Variants in MARK2 observed in about 807,000 individuals in gnomAD.
The protein encoded by MARK2 is serine/threonine-protein kinase MARK2.
In MARK2, 16 loss-of-function variants were observed where a neutral mutation model predicts 89.8. The ratio of observed to expected loss-of-function variants is 0.18; its 90% CI spans 0.12 to 0.27. The LOEUF (loss-of-function observed/expected upper bound fraction) is 0.27. MARK2 is among the 10% of genes least tolerant of loss of function. MARK2 has a pLI of 1.00. For synonymous variants in MARK2, 382 were observed against 399.5 expected (o/e 0.96, Z 0.52); for missense variants, 621 against 1,049.9 (o/e 0.59, Z 5.65).
At chr11:63,887,034 A>C (rs997599785) in intron 1 of MARK2, among the ~76,000 whole-genome samples, 1 of 152,222 alleles carries the variant, frequency 6.6e-6, no homozygotes, top group Non-Finnish European at 1.5e-5. Context: ...GGGAAAAGGA[A>C]GGGTTGCTGT....
At chr11:63,893,721 T>C (rs1379342332) in intron 1 of MARK2, among the ~76,000 whole-genome samples, 3 of 152,192 alleles carry the variant, frequency 2.0e-5, no homozygotes, top group Non-Finnish European at 2.9e-5. Flanking sequence ...ATCTAAACTT[T>C]TTGAGTGCCA....
At chr11:63,857,577 G>T (rs2016928837) in intron 1 of MARK2, among the ~76,000 whole-genome samples, 1 of 152,166 alleles carries the variant, frequency 6.6e-6, no homozygotes, top group South Asian at 2.1e-4. Context: ...TGGAAAATAA[G>T]TTTTTTATTA....
intron 1 of MARK2, among the ~76,000 whole-genome samples, chr11:63,881,906 T>C (rs765807026): frequency 7.9e-5 from 12 of 152,028 alleles, no homozygotes; most frequent in Non-Finnish European, 1.6e-4. Flanking sequence ...CAGTGAGCTG[T>C]GATTGTGCCA....
At chr11:63,870,931 CTAGGAAGGGAAGAGAGT>C (rs1938408881) in intron 1 of MARK2, among the ~76,000 whole-genome samples, 1 of 152,078 alleles carries the variant, frequency 6.6e-6, no homozygotes. Flanking sequence ...GAGTGAGACT[CTAGGAAGGGAAGAGAGT>C]TAGTCTGGAG....
intron 1 of MARK2, chr11:63,882,527 T>C (rs1252676203): frequency 6.6e-6 from 1 of 151,992 alleles, no homozygotes; most frequent in Non-Finnish European, 1.5e-5. Flanking sequence ...GAGGTTGCAG[T>C]GAGCCGAGAT....
rs767030713 is a variant in MARK2 at position 63,904,047 on chromosome 11, C to T, written c.1576C>T (p.Arg526Trp). 10 of 1,607,118 alleles carry T rather than the reference C, an allele frequency of 6.2e-6. No individual in the cohort carries two copies. Among genetic ancestry groups the T allele is most frequent in the South Asian group, 3.3e-5 (3 of 90,984 alleles). The change falls in exon 15 of 19, where the codon CGG becomes TGG. Residue 526 changes from arginine to tryptophan, a missense_variant. Arg to Trp is a moderately radical substitution (Grantham distance 101). Transcript: ENST00000402010. This position sits in a 1 kb window ranked among gnomAD's most constrained non-coding sequence, Gnocchi z 6.3. ...TGCTTCTGCCGCAGTCTCTGCGGCC[C>T]GGCCCCGCCAGCACCAGAAATCCAT... ...ASASAAVSAARPRQHQKSMSA... is the reference protein window; with the variant it reads ...ASASAAVSAAWPRQHQKSMSA...
Position 63,854,587 on chromosome 11 carries a change from C to T in MARK2, c.54+15027C>T, listed in dbSNP as rs370694301. Among the ~76,000 whole-genome samples, 4 of 151,898 alleles carry T rather than the reference C, an allele frequency of 2.6e-5. No individual in the cohort carries two copies. The South Asian group carries it at 6.2e-4, about 24-fold the overall frequency. ...TAGTGACTCACGCCTGTAATCCCAA[C>T]ACTTTCGGAGGCCAAGGCGAGTGGA... On this transcript the variant is annotated intron_variant, in intron 1 of 18. Transcript: ENST00000402010.
At chr11:63,888,901 AG>A (rs1590639483) in intron 1 of MARK2, 1 of 1,347,786 alleles carries the variant, frequency 7.4e-7, no homozygotes, top group Non-Finnish European at 9.8e-7. Flanking sequence ...GCTGCCTGAC[AG>A]GTTCTGCTGT....
intron 1 of MARK2, among the ~76,000 whole-genome samples, chr11:63,877,108 T>A (rs1938808421): frequency 7.4e-6 from 1 of 134,736 alleles, no homozygotes; most frequent in Non-Finnish European, 1.6e-5. Context: ...CTCTTTTTTT[T>A]TTTTTTTTTT....
At chr11:63,894,213 A>G (rs1370586057) in intron 1 of MARK2, among the ~76,000 whole-genome samples, 1 of 152,270 alleles carries the variant, frequency 6.6e-6, no homozygotes, top group Non-Finnish European at 1.5e-5. Flanking sequence ...TAAAGAATAT[A>G]TGCCTGCTTT....
At chr11:63,883,259 A>G (rs550834045) in intron 1 of MARK2, among the ~76,000 whole-genome samples, 9 of 152,302 alleles carry the variant, frequency 5.9e-5, no homozygotes, top group South Asian at 2.1e-4. Flanking sequence ...GGGCGAAGGC[A>G]TGGGCACCAT....
chr11:63,859,429 T>C (rs2135234312), intron 1 of MARK2, among the ~76,000 whole-genome samples: 1 of 151,532 alleles, frequency 6.6e-6, no homozygotes, highest in Admixed American at 6.6e-5. Flanking sequence ...CAAGCAATTC[T>C]CCTGCCTCAG....
chr11:63,882,941 A>G (rs921206780), intron 1 of MARK2, among the ~76,000 whole-genome samples: 7 of 152,294 alleles, frequency 4.6e-5, no homozygotes, highest in Admixed American at 2.0e-4. Flanking sequence ...CCAGACCTCT[A>G]TGCTGCAGGC....
At chr11:63,876,080 A>G (rs970851185) in intron 1 of MARK2, among the ~76,000 whole-genome samples, 1 of 152,108 alleles carries the variant, frequency 6.6e-6, no homozygotes, top group African/African-American at 2.4e-5. Context: ...TCATCAGGGG[A>G]GAGTAGAGTG....
intron 1 of MARK2, among the ~76,000 whole-genome samples, chr11:63,841,415 G>A (rs761981913): frequency 5.9e-5 from 9 of 152,140 alleles, no homozygotes; most frequent in Non-Finnish European, 1.3e-4. Context: ...TCATCACTGG[G>A]TTTGGCAGCT....
Position 63,879,810 on chromosome 11 carries a change from C to T in MARK2, c.55-15349C>T, listed in dbSNP as rs561764092. 5.5e-4 allele frequency among the ~76,000 whole-genome samples: 84 copies of T among 152,262 alleles called. No homozygotes were observed. In the Middle Eastern group the frequency reaches 0.02, roughly 37 times the overall value. On this transcript the variant is annotated intron_variant, in intron 1 of 18. Transcript: ENST00000402010. ...CCTCTGGCCATGGTGACTTCTGGAG[C>T]AACAAACTTTGTCCCAGTATTTTTT... is the stretch of plus-strand genomic sequence containing the variant.
rs1227683539 is a variant in MARK2 at position 63,910,696 on chromosome 11, A to C, written c.*1459A>C. 2 of 137,186 alleles carry C rather than the reference A, an allele frequency of 1.5e-5. No homozygotes were observed. Among genetic ancestry groups the C allele is most frequent in the African/African-American group, 2.8e-5 (1 of 36,250 alleles). 8.5% of individuals were successfully genotyped at this position (137,186 alleles called of 1,614,324 possible). A position where few individuals can be genotyped will look rare whatever the true frequency, so the allele number is the denominator to read the frequency against. Reference sequence around the variant, plus strand: ...TATGATGACTCCACCCCTCTTCATCACCCCCGCTCCCAGGCCAGGCTCAGC... The same window carrying C: ...TATGATGACTCCACCCCTCTTCATCCCCCCCGCTCCCAGGCCAGGCTCAGC... On this transcript the variant is annotated 3_prime_UTR_variant, in exon 19 of 19. Coordinates refer to ENST00000402010, the MANE Select transcript of MARK2 (RefSeq NM_001039469.3).
intron 1 of MARK2, among the ~76,000 whole-genome samples, chr11:63,856,123 C>T (rs927672288): frequency 6.6e-6 from 1 of 152,132 alleles, no homozygotes; most frequent in African/African-American, 2.4e-5. Context: ...GCTTTGACTT[C>T]ATAAGGAGCT....
At chr11:63,897,727 G>GTC (rs1940532312) in intron 3 of MARK2, among the ~76,000 whole-genome samples, 2 of 152,284 alleles carry the variant, frequency 1.3e-5, no homozygotes, top group Middle Eastern at 3.4e-3. Flanking sequence ...GGCTTCTTCT[G>GTC]TCACCACCCT....
Sources: allele counts gnomAD v4.1 joint callset (sites outside exome capture counted in the v4.1 genomes callset), GRCh38; gene constraint gnomAD v4.1.1; non-coding constraint Gnocchi (gnomAD v3.1); transcripts MANE v1.5; gene names NCBI Gene and HGNC (gene_info 2026-07-23, HGNC 2026-07-21).